The following PVT1 variants were observed in gnomAD, a reference collection of about 807,000 sequenced individuals.
PVT1 encodes the protein CXCR4/PVT1 fusion.
rs1554598547 is a variant in PVT1 at position 127,937,580 on chromosome 8, C to CAG, written n.782+46610_782+46611dup. The stretch of plus-strand genomic sequence containing the variant: ...ACACACACACACACACACACACACA[C>CAG]AGAGAGAGAGAGAGAGAGAGAGAGA... On this transcript the variant is annotated intron_variant and non_coding_transcript_variant, in intron 3 of 10. Coordinates refer to ENST00000651587, the Ensembl canonical transcript of PVT1. Among the ~76,000 whole-genome samples the CAG allele has an allele frequency of 3.1e-3, 339 of 107,808 alleles. 2 individuals are homozygous for CAG. The highest frequency in any genetic ancestry group is 5.7e-3 in the South Asian group (15 of 2,612). 70.7% of individuals were successfully genotyped at this position (107,808 alleles called of 152,430 possible).
intron 2 of PVT1, among the ~76,000 whole-genome samples, chr8:127,882,802 T>C (rs562723339): frequency 2.4e-4 from 36 of 152,172 alleles, no homozygotes; most frequent in Admixed American, 1.2e-3. Flanking sequence ...GAAATCTTAC[T>C]TCACAATCCT....
chr8:127,795,228 G>T (rs185081291), intron 1 of PVT1, among the ~76,000 whole-genome samples: 6 of 152,242 alleles, frequency 3.9e-5, no homozygotes, highest in African/African-American at 1.4e-4. Flanking sequence ...CGCATGTGAG[G>T]GTTTGTTGGG....
At chr8:128,047,891 TA>T (rs1161242429) in intron 4 of PVT1, among the ~76,000 whole-genome samples, 11 of 152,198 alleles carry the variant, frequency 7.2e-5, no homozygotes, top group East Asian at 1.9e-4. Context: ...ATTTGTGAAT[TA>T]AAAATTAATC....
At chr8:128,073,871 A>T (rs541796757) in intron 5 of PVT1, among the ~76,000 whole-genome samples, 14 of 151,868 alleles carry the variant, frequency 9.2e-5, no homozygotes, top group African/African-American at 3.4e-4. Flanking sequence ...CACAGCTGAT[A>T]AGTAGCAAAG....
rs1815241584 is a variant in PVT1 at position 127,862,725 on chromosome 8, A to G, written n.373-27864A>G. 2.6e-5 allele frequency among the ~76,000 whole-genome samples: 4 copies of G among 152,220 alleles called. No homozygotes were observed. The South Asian group carries it at 8.3e-4, about 31-fold the overall frequency. ...ATAGCCTGCAGCAAACTCTTAAAAC[A>G]TGAGGGGAACTATCTTGTTATAAAG... is the stretch of plus-strand genomic sequence containing the variant. On this transcript the variant is annotated intron_variant and non_coding_transcript_variant, in intron 2 of 10. Transcript: ENST00000651587.
intron 4 of PVT1, among the ~76,000 whole-genome samples, chr8:127,997,288 G>A (rs1327024429): frequency 1.3e-5 from 2 of 151,954 alleles, no homozygotes; most frequent in East Asian, 3.9e-4. Context: ...TGATCCGTCT[G>A]CCTCAGCCTC....
At chr8:127,846,374 C>A (rs1815034072) in intron 2 of PVT1, among the ~76,000 whole-genome samples, 1 of 152,176 alleles carries the variant, frequency 6.6e-6, no homozygotes, top group South Asian at 2.1e-4. Context: ...CCTCTCTCTC[C>A]AAGGAGCAGG....
chr8:128,042,733 GGTTT>G (rs1813560481), intron 4 of PVT1, among the ~76,000 whole-genome samples: 1 of 78,164 alleles, frequency 1.3e-5, no homozygotes, highest in African/African-American at 4.3e-5. Flanking sequence ...TGGACTAGGT[GGTTT>G]ATTTTATTTT....
chr8:128,085,124 A>G (rs751599831), intron 5 of PVT1, among the ~76,000 whole-genome samples: 1 of 152,126 alleles, frequency 6.6e-6, no homozygotes, highest in Non-Finnish European at 1.5e-5. Flanking sequence ...GAGCATAATT[A>G]TTCCAGGGAA....
At chr8:127,864,945 G>A (rs1257104118) in intron 2 of PVT1, among the ~76,000 whole-genome samples, 1 of 152,164 alleles carries the variant, frequency 6.6e-6, no homozygotes, top group African/African-American at 2.4e-5. Flanking sequence ...GGTGACAGAG[G>A]CCATCTTGTC....
intron 4 of PVT1, chr8:128,049,259 A>G (rs1271195352): frequency 1.9e-6 from 1 of 513,032 alleles, no homozygotes; most frequent in Admixed American, 2.1e-5. Flanking sequence ...ACACAGAAGC[A>G]GGTCATTTCG....
At chr8:127,926,168 C>G (rs1816127399) in intron 3 of PVT1, among the ~76,000 whole-genome samples, 1 of 152,178 alleles carries the variant, frequency 6.6e-6, no homozygotes, top group African/African-American at 2.4e-5. Context: ...CCTCTAAGAC[C>G]CAGATGTTTC....
intron 2 of PVT1, among the ~76,000 whole-genome samples, chr8:127,815,811 A>G (rs1814653366): frequency 6.6e-6 from 1 of 152,326 alleles, no homozygotes; most frequent in East Asian, 1.9e-4. Flanking sequence ...AGACCATTAT[A>G]CACTATTAAT....
intron 2 of PVT1, among the ~76,000 whole-genome samples, chr8:127,868,784 T>TATAC (rs1563625664): frequency 1.2e-5 from 1 of 84,194 alleles, no homozygotes. Flanking sequence ...TATATATATA[T>TATAC]ATATATATAC....
intron 2 of PVT1, among the ~76,000 whole-genome samples, chr8:127,875,486 G>A (rs1360167071): frequency 6.6e-6 from 1 of 152,130 alleles, no homozygotes; most frequent in Non-Finnish European, 1.5e-5. Context: ...TATGAAATAA[G>A]CATAGTAAAG....
In PVT1 at chr8:127,916,376, A is replaced by G. The variant is rs148477694; in HGVS notation, n.782+25378A>G. 3.8e-3 allele frequency among the ~76,000 whole-genome samples: 579 copies of G among 152,314 alleles called. 7 individuals are homozygous for G. The highest frequency in any genetic ancestry group is 0.013 in the African/African-American group (555 of 41,558). On this transcript the variant is annotated intron_variant and non_coding_transcript_variant, in intron 3 of 10. Coordinates refer to ENST00000651587, the Ensembl canonical transcript of PVT1. ...AAACTCCCGAATCTAGTGCTGTGGCATGTGGTTGGTGCTCAATAATGATTT... is the reference window on the plus strand; with the variant it reads ...AAACTCCCGAATCTAGTGCTGTGGCGTGTGGTTGGTGCTCAATAATGATTT...
intron 6 of PVT1, among the ~76,000 whole-genome samples, chr8:128,100,337 G>A (rs1342752124): frequency 6.6e-6 from 1 of 152,154 alleles, no homozygotes; most frequent in African/African-American, 2.4e-5. Context: ...TGCTCTCCTG[G>A]AGATCGATGC....
intron 2 of PVT1, among the ~76,000 whole-genome samples, chr8:127,863,246 G>T (rs1815249403): frequency 6.6e-6 from 1 of 152,062 alleles, no homozygotes; most frequent in African/African-American, 2.4e-5. Flanking sequence ...CGAGTTGCTG[G>T]GATTACAGGT....
chr8:128,071,527 T>G (rs60696357), intron 5 of PVT1, among the ~76,000 whole-genome samples: 1 of 149,634 alleles, frequency 6.7e-6, no homozygotes, highest in Non-Finnish European at 1.5e-5. Context: ...ATAAAAATTT[T>G]TAAAAAAAAA....
Sources: gnomAD v4.1 joint callset for allele counts (sites outside exome capture counted in the v4.1 genomes callset) on GRCh38, gnomAD v4.1.1 for gene constraint, MANE v1.5 for transcripts, NCBI Gene and HGNC (gene_info 2026-07-23, HGNC 2026-07-21) for gene names.